The following ACER3 variants were observed in gnomAD, a reference collection of about 807,000 sequenced individuals.
ACER3 encodes the protein alkCDase 3.
ACER3 carries 16 observed loss-of-function variants against 48.9 expected under a neutral mutation model. The observed-to-expected ratio is 0.33, with a 90% CI of 0.22 to 0.50. The LOEUF (loss-of-function observed/expected upper bound fraction) is 0.50, where lower values mean the gene tolerates loss of function less well. ACER3 is among the 20% of genes least tolerant of loss of function. The probability of loss-of-function intolerance (pLI) is 0.98; values close to 1 mark genes in which losing one functional copy is unlikely to be tolerated. For synonymous variants in ACER3, 109 were observed against 107.8 expected, an observed-to-expected ratio of 1.01 and a Z score of -0.07; for missense variants, 227 against 326.0, an observed-to-expected ratio of 0.70 and a Z score of 2.34.
intron 2 of ACER3, among the ~76,000 whole-genome samples, chr11:76,935,668 A>T (rs1947158778): frequency 6.6e-6 from 1 of 152,352 alleles, no homozygotes; most frequent in South Asian, 2.1e-4. Context: ...ATAGAAAAAC[A>T]GTTTTAAACC....
At chr11:76,987,770 C>G (rs4597093) in intron 5 of ACER3, among the ~76,000 whole-genome samples, 17,285 of 152,066 alleles carry the variant, frequency 0.11, 3,247 homozygotes, top group African/African-American at 0.39. Flanking sequence ...GACCTCGTCT[C>G]TACAAAACAT....
intron 2 of ACER3, among the ~76,000 whole-genome samples, chr11:76,926,933 G>A (rs1242980118): frequency 1.3e-5 from 2 of 152,076 alleles, no homozygotes; most frequent in Non-Finnish European, 2.9e-5. Context: ...ACCCAGTTTT[G>A]TCAGGTCCTA....
chr11:77,002,347 G>T (rs1274339368), intron 7 of ACER3, among the ~76,000 whole-genome samples: 2 of 152,006 alleles, frequency 1.3e-5, no homozygotes, highest in South Asian at 4.1e-4. Flanking sequence ...TGCTTTTTCA[G>T]TATTAACTGA....
intron 2 of ACER3, among the ~76,000 whole-genome samples, chr11:76,953,103 A>G (rs935989551): frequency 1.3e-5 from 2 of 152,174 alleles, no homozygotes; most frequent in Admixed American, 1.3e-4. Context: ...ACTCGAGTTA[A>G]TGGTGTGAGA....
At chr11:76,887,101 A>T (rs75827435) in intron 1 of ACER3, among the ~76,000 whole-genome samples, 3,294 of 145,626 alleles carry the variant, frequency 0.023, 123 homozygotes, top group African/African-American at 0.09. Context: ...CCCTGTCTCT[A>T]CAAAAAAAAT....
chr11:76,912,323 G>A (rs1206336784), intron 1 of ACER3, among the ~76,000 whole-genome samples: 1 of 152,088 alleles, frequency 6.6e-6, no homozygotes, highest in Non-Finnish European at 1.5e-5. Context: ...AACCACCCCT[G>A]CTGACACCTT....
intron 3 of ACER3, among the ~76,000 whole-genome samples, chr11:76,972,406 T>C (rs1160597627): frequency 1.3e-5 from 2 of 152,228 alleles, no homozygotes; most frequent in Non-Finnish European, 2.9e-5. Context: ...AAATGTCTAT[T>C]GATATCCTTT....
At chr11:77,009,019 C>A (rs1217727934) in intron 7 of ACER3, among the ~76,000 whole-genome samples, 2 of 152,300 alleles carry the variant, frequency 1.3e-5, no homozygotes, top group East Asian at 3.9e-4. Context: ...ATGATTGTAC[C>A]ACTGCACTCC....
chr11:76,934,103 A>T (rs1947101893), intron 2 of ACER3, among the ~76,000 whole-genome samples: 1 of 149,730 alleles, frequency 6.7e-6, no homozygotes, highest in African/African-American at 2.5e-5. Flanking sequence ...GGCCAGGAAG[A>T]GGCACTCCTC....
intron 7 of ACER3, among the ~76,000 whole-genome samples, chr11:77,006,230 C>A (rs1433584243): frequency 6.6e-6 from 1 of 151,472 alleles, no homozygotes; most frequent in African/African-American, 2.4e-5. Context: ...CTCAGGTGAT[C>A]CACCCACCTC....
At chr11:77,015,927 T>C (rs1337086012) in intron 8 of ACER3, among the ~76,000 whole-genome samples, 3 of 151,928 alleles carry the variant, frequency 2.0e-5, no homozygotes, top group Non-Finnish European at 4.4e-5. Context: ...GCCAACATGG[T>C]GAAACCCTGT....
chr11:76,864,704 G>C (rs1945029556), intron 1 of ACER3, among the ~76,000 whole-genome samples: 1 of 144,720 alleles, frequency 6.9e-6, no homozygotes, highest in African/African-American at 2.5e-5. Context: ...GGTTCAAGCA[G>C]TTCTCCTGCC....
At chr11:76,882,385 TCTGTCATCTATTTGTCTGTTA>T (rs1454140232) in intron 1 of ACER3, among the ~76,000 whole-genome samples, 2 of 152,214 alleles carry the variant, frequency 1.3e-5, no homozygotes, top group Non-Finnish European at 2.9e-5. Context: ...TAGTTTTTTC[TCTGTCATCTATTTGTCTGTTA>T]GGTCCATCTG....
At chr11:76,992,216 T>A (rs1328708342) in intron 6 of ACER3, among the ~76,000 whole-genome samples, 1 of 152,106 alleles carries the variant, frequency 6.6e-6, no homozygotes, top group East Asian at 1.9e-4. Flanking sequence ...AGGCAACATA[T>A]CTCTTAAAAT....
At chr11:76,867,585 C>CA (rs1301248918) in intron 1 of ACER3, among the ~76,000 whole-genome samples, 1 of 150,970 alleles carries the variant, frequency 6.6e-6, no homozygotes, top group Non-Finnish European at 1.5e-5. Context: ...AATGCATTCC[C>CA]AAAAACATAT....
chr11:76,898,690 G>A (rs1945997134), intron 1 of ACER3, among the ~76,000 whole-genome samples: 1 of 142,874 alleles, frequency 7.0e-6, no homozygotes, highest in South Asian at 2.4e-4. Flanking sequence ...GGATGACGAG[G>A]TCAGGAGATC....
chr11:77,020,512 G>T lies in ACER3; in HGVS notation c.*185G>T. The T allele has an allele frequency of 1.7e-6, 1 of 591,664 alleles. No individual in the cohort carries two copies. Among genetic ancestry groups the T allele is most frequent in the South Asian group, 2.1e-5 (1 of 46,836 alleles). 36.7% of individuals were successfully genotyped at this position (591,664 alleles called of 1,614,324 possible). ...AGGGCCTGCTGGGTGTTTAGCTCATGGCTTTATCTTATTTGTCCCCCTCCT... is the reference window on the plus strand; with the variant it reads ...AGGGCCTGCTGGGTGTTTAGCTCATTGCTTTATCTTATTTGTCCCCCTCCT... On this transcript the variant is annotated 3_prime_UTR_variant, in exon 11 of 11. Coordinates refer to ENST00000532485, the MANE Select transcript of ACER3 (RefSeq NM_018367.7).
intron 1 of ACER3, among the ~76,000 whole-genome samples, chr11:76,863,593 TTAAAA>T (rs1234074737): frequency 6.6e-6 from 1 of 152,180 alleles, no homozygotes; most frequent in Non-Finnish European, 1.5e-5. Flanking sequence ...AATAATATGT[TTAAAA>T]TATGTGTTTA....
In ACER3 at chr11:77,024,798, T is replaced by A. The variant is rs1949527138; in HGVS notation, c.*4471T>A. ...TCATTTTATCATTAAATTCAGCTAA[T>A]TACTACCTGATTTCAAAGGCAGCTA... On this transcript the variant is annotated 3_prime_UTR_variant, in exon 11 of 11. Transcript: ENST00000532485. The A allele has an allele frequency of 6.6e-6, 1 of 152,206 alleles. No individual in the cohort carries two copies. Among genetic ancestry groups the A allele is most frequent in the Non-Finnish European group, 1.5e-5 (1 of 68,034 alleles). The allele number at this position is 152,206 out of a possible 1,614,324, so 9.4% of individuals were successfully genotyped here.
Sources: allele counts gnomAD v4.1 joint callset (sites outside exome capture counted in the v4.1 genomes callset), GRCh38; gene constraint gnomAD v4.1.1; transcripts MANE v1.5; gene names NCBI Gene and HGNC (gene_info 2026-07-23, HGNC 2026-07-21).